CELF4: variants seen among roughly 807,000 people sequenced by gnomAD.
CELF4 encodes the protein CUG-BP- and ETR-3-like factor 4.
Under a neutral mutation model 59.9 loss-of-function variants are expected in CELF4, and 18 were observed. The ratio of observed to expected loss-of-function variants is 0.30; its 90% CI spans 0.21 to 0.45. CELF4 has a LOEUF of 0.45. CELF4 is among the 20% of genes least tolerant of loss of function. The pLI is 1.00. For synonymous variants in CELF4, 261 were observed against 267.1 expected, an observed-to-expected ratio of 0.98 and a Z score of 0.22; for missense variants, 456 against 689.0, an observed-to-expected ratio of 0.66 and a Z score of 3.79.
At position 37,295,381 on chromosome 18, in the gene CELF4, G is replaced by T. The variant is rs146291895; in HGVS notation, c.449-20138C>A. On this transcript the variant is annotated intron_variant, in intron 3 of 12. Transcript: ENST00000420428. ...TGGCTAACAAGCTGAAAGGATTATG[G>T]GTGGCAGGTAGATAAGGGGTTTGTT... is the stretch of plus-strand genomic sequence containing the variant. Among the ~76,000 whole-genome samples, 397 of 152,304 alleles carry T rather than the reference G, an allele frequency of 2.6e-3. 3 individuals are homozygous for T. Among genetic ancestry groups the T allele is most frequent in the African/African-American group, 9.0e-3 (373 of 41,554 alleles).
At chr18:37,277,524 C>G (rs890389285) in intron 3 of CELF4, among the ~76,000 whole-genome samples, 1 of 151,816 alleles carries the variant, frequency 6.6e-6, no homozygotes, top group Non-Finnish European at 1.5e-5. Context: ...TAGAGTTCAG[C>G]GCAGAAAGGG....
At position 37,444,656 on chromosome 18, in the gene CELF4, G is replaced by GCA. The variant is rs2099743149; in HGVS notation, c.369+40868_369+40869insTG. 9.0e-5 allele frequency among the ~76,000 whole-genome samples: 8 copies of GCA among 88,580 alleles called. No homozygotes were observed. The Admixed American group carries it at 1.1e-3, about 12-fold the overall frequency. The allele number at this position is 88,580 out of a possible 152,430, so 58.1% of individuals were successfully genotyped here. On this transcript the variant is annotated intron_variant, in intron 2 of 12. Transcript: ENST00000420428. ...CACACACACACACACACACACACGCGAACGATGCAGTTTCAGAGGAGGAAG... is the reference window on the plus strand; with the variant it reads ...CACACACACACACACACACACACGCGCAAACGATGCAGTTTCAGAGGAGGAAG...
intron 2 of CELF4, among the ~76,000 whole-genome samples, chr18:37,394,390 C>A (rs1169674988): frequency 6.6e-6 from 1 of 152,186 alleles, no homozygotes; most frequent in Non-Finnish European, 1.5e-5. Context: ...GCATACCATG[C>A]GGGCACCAGG....
chr18:37,512,333 C>T lies in CELF4; in HGVS notation c.287-26726G>A, dbSNP rs538361683. ...CTCCAAGATGAGTTCCGTGGAGCTG[C>T]GGCCTCTCTGAAAGCCCAGGCACCA... On this transcript the variant is annotated intron_variant, in intron 1 of 12. Transcript: ENST00000420428. Among the ~76,000 whole-genome samples the T allele has an allele frequency of 1.7e-3, 252 of 152,338 alleles. 1 individual carries two copies. Among genetic ancestry groups the T allele is most frequent in the Middle Eastern group, 3.4e-3 (1 of 294 alleles).
intron 2 of CELF4, among the ~76,000 whole-genome samples, chr18:37,344,081 T>A (rs550137322): frequency 6.6e-6 from 1 of 152,344 alleles, no homozygotes; most frequent in East Asian, 1.9e-4. Flanking sequence ...TGATCACCCA[T>A]TGCCTAGGAC....
intron 2 of CELF4, among the ~76,000 whole-genome samples, chr18:37,465,426 G>A (rs1002657594): frequency 1.4e-4 from 21 of 152,140 alleles, no homozygotes; most frequent in Admixed American, 4.6e-4. Flanking sequence ...AGTGCCAGCC[G>A]GGTTATGGTG....
intron 2 of CELF4, among the ~76,000 whole-genome samples, chr18:37,370,790 A>G (rs2098851329): frequency 6.6e-6 from 1 of 152,152 alleles, no homozygotes; most frequent in African/African-American, 2.4e-5. Flanking sequence ...TCACGTGTCA[A>G]TCATGTAAAA....
intron 2 of CELF4, among the ~76,000 whole-genome samples, chr18:37,363,208 G>C (rs1332940907): frequency 6.6e-6 from 1 of 152,122 alleles, no homozygotes; most frequent in Non-Finnish European, 1.5e-5. Flanking sequence ...GGGAGGTTAG[G>C]AGGTGCTGAG....
At chr18:37,485,232 G>A (rs1028754160) in intron 2 of CELF4, among the ~76,000 whole-genome samples, 3 of 151,810 alleles carry the variant, frequency 2.0e-5, no homozygotes, top group African/African-American at 7.2e-5. Context: ...CGCGGCCCGC[G>A]GGCCCGGCGG....
chr18:37,344,918 A>G (rs1219489017), intron 2 of CELF4, among the ~76,000 whole-genome samples: 1 of 152,156 alleles, frequency 6.6e-6, no homozygotes, highest in African/African-American at 2.4e-5. Context: ...AGACTCTAAG[A>G]GGGGAGTGTG....
chr18:37,479,559 A>G (rs12150854), intron 2 of CELF4, among the ~76,000 whole-genome samples: 83,504 of 151,876 alleles, frequency 0.55, 23,311 homozygotes, highest in East Asian at 0.65. Flanking sequence ...ACTTCTTTTC[A>G]GGGAATATGA....
chr18:37,290,758 G>A (rs561299462), intron 3 of CELF4, among the ~76,000 whole-genome samples: 63 of 152,278 alleles, frequency 4.1e-4, no homozygotes, highest in Non-Finnish European at 6.9e-4. Flanking sequence ...ATTCGACTAA[G>A]ATAGTAATAA....
At position 37,274,791 on chromosome 18, in the gene CELF4, G is replaced by A; in HGVS notation, c.657+14C>T. 2 of 1,577,024 alleles carry A rather than the reference G, an allele frequency of 1.3e-6. No individual in the cohort carries two copies. On this transcript the variant is annotated intron_variant, in intron 5 of 12. Coordinates refer to ENST00000420428, the MANE Select transcript of CELF4 (RefSeq NM_020180.4). ...CCGCTGCCCTCGCCCCCGCCCCAAG[G>A]GGCCAGCACTCACCGGCATGGTCTG...
At chr18:37,409,796 A>G (rs1040475288) in intron 2 of CELF4, among the ~76,000 whole-genome samples, 2 of 152,118 alleles carry the variant, frequency 1.3e-5, no homozygotes, top group East Asian at 3.9e-4. Flanking sequence ...CTGTTTACAG[A>G]TGGGTTTCTT....
intron 3 of CELF4, among the ~76,000 whole-genome samples, chr18:37,297,793 T>C (rs938806786): frequency 6.6e-6 from 1 of 152,244 alleles, no homozygotes; most frequent in South Asian, 2.1e-4. Flanking sequence ...TACATTAATC[T>C]AGTTGTCTGT....
chr18:37,338,668 G>A (rs999069394), intron 2 of CELF4, among the ~76,000 whole-genome samples: 3 of 152,158 alleles, frequency 2.0e-5, no homozygotes, highest in South Asian at 4.1e-4. Flanking sequence ...TGACTAGCTC[G>A]GCCATGACTA....
chr18:37,408,355 T>C (rs1207961748), intron 2 of CELF4, among the ~76,000 whole-genome samples: 1 of 152,078 alleles, frequency 6.6e-6, no homozygotes, highest in Non-Finnish European at 1.5e-5. Flanking sequence ...CCCTGAACCA[T>C]ATCTTTCAAA....
chr18:37,367,142 A>C (rs1323305723), intron 2 of CELF4, among the ~76,000 whole-genome samples: 1 of 151,896 alleles, frequency 6.6e-6, no homozygotes, highest in African/African-American at 2.4e-5. Flanking sequence ...TTAATGTGCT[A>C]AGGTGTTTGC....
intron 7 of CELF4, among the ~76,000 whole-genome samples, chr18:37,271,158 A>T (rs1569404867): frequency 6.6e-6 from 1 of 152,174 alleles, no homozygotes; most frequent in Non-Finnish European, 1.5e-5. Context: ...CACCTGCCCA[A>T]ATAAGATTTC....
Sources: allele counts gnomAD v4.1 joint callset (sites outside exome capture counted in the v4.1 genomes callset), GRCh38; gene constraint gnomAD v4.1.1; transcripts MANE v1.5; gene names NCBI Gene and HGNC (gene_info 2026-07-23, HGNC 2026-07-21).